EXO1: variants seen among roughly 807,000 people sequenced by gnomAD.
EXO1 encodes the protein exonuclease 1.
In EXO1, 69 loss-of-function variants were observed where a neutral mutation model predicts 84.5. The ratio of observed to expected loss-of-function variants is 0.82; its 90% CI spans 0.67 to 1.00. EXO1 has a LOEUF of 1.00. Among genes scored for constraint, EXO1 ranks in the 50% least tolerant of loss-of-function variants. EXO1 has a pLI of 0.00. For synonymous variants in EXO1, 373 were observed against 366.1 expected, an observed-to-expected ratio of 1.02 and a Z score of -0.21; for missense variants, 1,045 against 1,000.7, an observed-to-expected ratio of 1.04 and a Z score of -0.60.
chr1:241,868,239 G>C (rs567346036), intron 11 of EXO1, among the ~76,000 whole-genome samples: 1 of 152,250 alleles, frequency 6.6e-6, no homozygotes, highest in Admixed American at 6.5e-5. Context: ...AGCCAGGCAT[G>C]GTGGCACACA....
Position 241,889,687 on chromosome 1 carries a change from A to T in EXO1, c.*87A>T. 7.6e-7 allele frequency: 1 copy of T among 1,319,894 alleles called. No individual in the cohort carries two copies. Among genetic ancestry groups the T allele is most frequent in the African/African-American group, 1.4e-5 (1 of 69,148 alleles). The allele number at this position is 1,319,894 out of a possible 1,614,324, so 81.8% of individuals were successfully genotyped here. A position where few individuals can be genotyped will look rare whatever the true frequency, so the allele number is the denominator to read the frequency against. On this transcript the variant is annotated 3_prime_UTR_variant, in exon 16 of 16. Transcript: ENST00000366548. ...GGGAATGAGGCACTTATCAGCATGA[A>T]GAATTTTTTCTCATTCTGTGCCATT...
chr1:241,875,690 A>G (rs1163610812), intron 12 of EXO1, among the ~76,000 whole-genome samples: 1 of 152,178 alleles, frequency 6.6e-6, no homozygotes, highest in Non-Finnish European at 1.5e-5. Flanking sequence ...CATCCTGGCT[A>G]ACATGGTGAA....
intron 6 of EXO1, among the ~76,000 whole-genome samples, chr1:241,854,961 C>G (rs4149879): frequency 1.3e-5 from 2 of 151,904 alleles, no homozygotes; most frequent in Non-Finnish European, 2.9e-5. Context: ...GTTCGTTCCT[C>G]CCTGGGGGCT....
chr1:241,886,345 C>G lies in EXO1; in HGVS notation c.2405+838C>G, dbSNP rs139547715. ...TTTTTGTTAACCATAATACTTCCTT[C>G]TGTTAGACCACAAAATTAGCCACAG... On this transcript the variant is annotated intron_variant, in intron 15 of 15. Coordinates refer to ENST00000366548, the MANE Select transcript of EXO1 (RefSeq NM_130398.4). Among the ~76,000 whole-genome samples, 10 of 152,320 alleles carry G rather than the reference C, an allele frequency of 6.6e-5. No individual in the cohort carries two copies. The East Asian group carries it at 1.9e-3, about 29-fold the overall frequency.
In EXO1 at chr1:241,850,616, A is replaced by G. The variant is rs200614952; in HGVS notation, c.161+30A>G. On this transcript the variant is annotated intron_variant, in intron 4 of 15. Coordinates refer to ENST00000366548, the MANE Select transcript of EXO1 (RefSeq NM_130398.4). ...GTCTGGACCTTATGTTAATTCTTTG[A>G]CAATTAAGAATGAGACCTACAGTGC... is the stretch of plus-strand genomic sequence containing the variant. The G allele has an allele frequency of 1.8e-5, 29 of 1,596,630 alleles. No individual in the cohort carries two copies. The African/African-American group carries it at 3.3e-4, about 18-fold the overall frequency.
At position 241,868,323 on chromosome 1, in the gene EXO1, C is replaced by T. The variant is rs536453903; in HGVS notation, c.1267+1268C>T. On this transcript the variant is annotated intron_variant, in intron 11 of 15. Transcript: ENST00000366548. ...CCTGGAAGGCAGAGGTTGCAGTGAG[C>T]GGAGATCACGCAGTGCACTCCAGCC... is the stretch of plus-strand genomic sequence containing the variant. 7.5e-4 allele frequency among the ~76,000 whole-genome samples: 108 copies of T among 143,490 alleles called. 2 individuals carry two copies. Among genetic ancestry groups the T allele is most frequent in the South Asian group, 2.2e-4 (1 of 4,556 alleles). The allele number at this position is 143,490 out of a possible 152,430, so 94.1% of individuals were successfully genotyped here. A position where few individuals can be genotyped will look rare whatever the true frequency, so the allele number is the denominator to read the frequency against.
intron 12 of EXO1, among the ~76,000 whole-genome samples, chr1:241,874,965 C>T (rs920599727): frequency 4.6e-5 from 7 of 152,170 alleles, no homozygotes; most frequent in East Asian, 1.9e-4. Context: ...TAGAAGACTT[C>T]GAATGAATAG....
At chr1:241,863,042 G>A (rs1629051) in intron 10 of EXO1, among the ~76,000 whole-genome samples, 94,076 of 151,996 alleles carry the variant, frequency 0.62, 29,645 homozygotes, top group East Asian at 0.8. Flanking sequence ...TAAGTGCTAC[G>A]CTAAAGAGGT....
Position 241,863,129 on chromosome 1 carries a change from A to G in EXO1, c.1041+1627A>G, listed in dbSNP as rs1316831175. Among the ~76,000 whole-genome samples the G allele has an allele frequency of 5.9e-4, 90 of 152,122 alleles. 1 individual carries two copies. The highest frequency in any genetic ancestry group is 8.8e-5 in the Non-Finnish European group (6 of 68,016). Reference sequence around the variant, plus strand: ...ATGCTTCCTAATAATAATGGCAAACATTTTCTGAGCATTTGCTACTTTCCA... The same window carrying G: ...ATGCTTCCTAATAATAATGGCAAACGTTTTCTGAGCATTTGCTACTTTCCA... On this transcript the variant is annotated intron_variant, in intron 10 of 15. Coordinates refer to ENST00000366548, the MANE Select transcript of EXO1 (RefSeq NM_130398.4).
In EXO1 at chr1:241,860,652, C is replaced by T; in HGVS notation, c.892C>T (p.Leu298=). 2 of 1,614,040 alleles carry T rather than the reference C, an allele frequency of 1.2e-6. No homozygotes were observed. The highest frequency in any genetic ancestry group is 1.7e-5 in the Admixed American group (1 of 60,018). Residue 298 remains leucine, a synonymous_variant, in exon 9 of 16, where the codon CTG becomes TTG. Transcript: ENST00000366548. The part of the protein sequence containing the change: ...FDPIKRKLIP[L]NAYEDDVDPE... ...TCCCATCAAAAGGAAACTTATTCCT[C>T]TGAACGCCTATGAAGATGATGTTGA...
intron 11 of EXO1, among the ~76,000 whole-genome samples, chr1:241,869,007 A>G (rs1449731541): frequency 1.3e-5 from 2 of 152,232 alleles, no homozygotes; most frequent in Non-Finnish European, 2.9e-5. Context: ...AGGATTTTCT[A>G]TATAAATGAC....
At chr1:241,878,463 C>G (rs919308469) in intron 12 of EXO1, among the ~76,000 whole-genome samples, 2 of 149,814 alleles carry the variant, frequency 1.3e-5, no homozygotes, top group Non-Finnish European at 3.0e-5. Context: ...CGCCACTGCA[C>G]TCCAGCCTGG....
At chr1:241,871,974 G>C in intron 11 of EXO1, 58 bp from the exon 12 acceptor site, 2 of 1,445,542 alleles carry the variant, frequency 1.4e-6, no homozygotes, top group Non-Finnish European at 1.9e-6. Context: ...TGAAGTTAAG[G>C]CCAAATCTCT....
rs756645702 is a variant in EXO1, at chr1:241,879,319, C to G, written c.2085C>G (p.Cys695Trp). 5.0e-6 allele frequency: 8 copies of G among 1,601,056 alleles called. No individual in the cohort carries two copies. The highest frequency in any genetic ancestry group is 1.7e-4 in the Middle Eastern group (1 of 6,018). ...CAAATGCATCAAAGCTTTCTCAGTG[C>G]TCTAGTAAGGACTCTGATTCAGAGG... ...QSSNASKLSQCSSKDSDSEES... is the reference protein window; with the variant it reads ...QSSNASKLSQWSSKDSDSEES... The change falls in exon 13 of 16, where the codon TGC becomes TGG. Residue 695 changes from cysteine to tryptophan, a missense_variant. Transcript: ENST00000366548.
chr1:241,864,374 C>A (rs908175785), intron 10 of EXO1, among the ~76,000 whole-genome samples: 1 of 152,190 alleles, frequency 6.6e-6, no homozygotes, highest in African/African-American at 2.4e-5. Flanking sequence ...TAGCATGGTT[C>A]CTTGCCATTC....
intron 12 of EXO1, among the ~76,000 whole-genome samples, chr1:241,875,442 T>A (rs1051912326): frequency 6.6e-6 from 1 of 152,106 alleles, no homozygotes; most frequent in Non-Finnish European, 1.5e-5. Flanking sequence ...TCCCATGGAG[T>A]CTTCTCAAGG....
chr1:241,863,361 C>T (rs1661506647), intron 10 of EXO1, among the ~76,000 whole-genome samples: 1 of 149,300 alleles, frequency 6.7e-6, no homozygotes, highest in Non-Finnish European at 1.5e-5. Flanking sequence ...TGTGTATCCT[C>T]AGTTTGCAAG....
intron 14 of EXO1, among the ~76,000 whole-genome samples, chr1:241,883,484 T>C (rs2148529350): frequency 6.6e-6 from 1 of 152,238 alleles, no homozygotes; most frequent in South Asian, 2.1e-4. Flanking sequence ...GGCTCTACTC[T>C]CATGATCTAA....
Position 241,889,553 on chromosome 1 carries a change from T to G in EXO1, c.2494T>G (p.Phe832Val), listed in dbSNP as rs895335315. ...QLTPEAEEDIFNKPECGRVQR... is the reference protein window; with the variant it reads ...QLTPEAEEDIVNKPECGRVQR... ...AACTCCAGAAGCGGAAGAGGATATA[T>G]TTAACAAACCTGAATGTGGCCGTGT... The change falls in exon 16 of 16, where the codon TTT becomes GTT. Residue 832 changes from phenylalanine (F) to valine (V), a missense_variant. Phe to Val is a conservative substitution (Grantham distance 50). Transcript: ENST00000366548. The G allele has an allele frequency of 6.2e-7, 1 of 1,614,056 alleles. No homozygotes were observed. Among genetic ancestry groups the G allele is most frequent in the East Asian group, 2.2e-5 (1 of 44,868 alleles).
Sources: gnomAD v4.1 joint callset for allele counts (sites outside exome capture counted in the v4.1 genomes callset) on GRCh38, gnomAD v4.1.1 for gene constraint, MANE v1.5 for transcripts, NCBI Gene and HGNC (gene_info 2026-07-23, HGNC 2026-07-21) for gene names.